ZNF609: variants seen among roughly 807,000 people sequenced by gnomAD.
ZNF609 encodes zinc finger protein 609.
ZNF609 carries 11 observed loss-of-function variants against 109.5 expected under a neutral mutation model. The ratio of observed to expected loss-of-function variants is 0.10; its 90% confidence interval spans 0.06 to 0.17. The LOEUF is 0.17. Among genes scored for constraint, ZNF609 ranks in the 10% least tolerant of loss-of-function variants. The pLI is 1.00. For missense variants in ZNF609, 1,559 were observed against 1,772.4 expected (o/e 0.88, Z 2.16); for synonymous variants, 646 against 662.0 (o/e 0.98, Z 0.37).
In ZNF609 at chr15:64,680,933, T is replaced by C. The variant is rs1896876683; in HGVS notation, c.4162+71T>C. ...TTGTTTATCTTCATCCCAGTAGTAA[T>C]GTCCACAGCTAGGACCCTCCTACCT... On this transcript the variant is annotated intron_variant, in intron 8 of 9. Coordinates refer to ENST00000326648, the MANE Select transcript of ZNF609 (RefSeq NM_015042.2). The C allele has an allele frequency of 1.9e-6, 3 of 1,557,018 alleles. No individual in the cohort carries two copies. In the South Asian group the frequency reaches 3.4e-5, roughly 18 times the overall value.
chr15:64,672,508 C>G (rs1896747698), intron 4 of ZNF609, among the ~76,000 whole-genome samples: 1 of 149,634 alleles, frequency 6.7e-6, no homozygotes, highest in Admixed American at 6.6e-5. Flanking sequence ...GCCTGTAACC[C>G]CAGCTACTCG....
At chr15:64,581,692 C>G (rs1291510947) in intron 2 of ZNF609, among the ~76,000 whole-genome samples, 5 of 152,068 alleles carry the variant, frequency 3.3e-5, no homozygotes, top group Admixed American at 2.0e-4. Flanking sequence ...TGATTGCAGG[C>G]TTTTGATTTT....
At chr15:64,540,891 G>A (rs1231507736) in intron 2 of ZNF609, among the ~76,000 whole-genome samples, 1 of 150,556 alleles carries the variant, frequency 6.6e-6, no homozygotes, top group Non-Finnish European at 1.5e-5. Flanking sequence ...AGCTGGGCAT[G>A]GTGGCATGCA....
At chr15:64,509,726 T>C (rs968663182) in intron 2 of ZNF609, among the ~76,000 whole-genome samples, 1 of 152,240 alleles carries the variant, frequency 6.6e-6, no homozygotes, top group Non-Finnish European at 1.5e-5. Flanking sequence ...TTGTTTATTC[T>C]CCATTAAGGT....
chr15:64,645,557 CT>C (rs1896323570), intron 3 of ZNF609, among the ~76,000 whole-genome samples: 1 of 151,978 alleles, frequency 6.6e-6, no homozygotes, highest in South Asian at 2.1e-4. Flanking sequence ...TTCATCAAAA[CT>C]AATAACTTTT....
At chr15:64,476,016 G>A (rs1292723667) in intron 1 of ZNF609, among the ~76,000 whole-genome samples, 2 of 152,186 alleles carry the variant, frequency 1.3e-5, no homozygotes, top group Non-Finnish European at 2.9e-5. Flanking sequence ...AGCATTTGTT[G>A]CCTTTACTGC....
chr15:64,667,812 C>A (rs950056581), intron 3 of ZNF609, among the ~76,000 whole-genome samples: 1 of 152,002 alleles, frequency 6.6e-6, no homozygotes, highest in South Asian at 2.1e-4. Flanking sequence ...AAAGAGTAGT[C>A]GTGAGAGGTG....
chr15:64,580,878 T>C (rs1018685149), intron 2 of ZNF609, among the ~76,000 whole-genome samples: 10 of 152,096 alleles, frequency 6.6e-5, no homozygotes, highest in African/African-American at 2.4e-4. Flanking sequence ...TTCCTTGTTT[T>C]TTAATGGATA....
At chr15:64,524,195 C>CT (rs555541538) in intron 2 of ZNF609, among the ~76,000 whole-genome samples, 520 of 152,260 alleles carry the variant, frequency 3.4e-3, no homozygotes, top group Middle Eastern at 6.8e-3. Context: ...AGCAGTCACC[C>CT]TAATTCTTCA....
At chr15:64,644,651 G>C (rs1896304778) in intron 3 of ZNF609, among the ~76,000 whole-genome samples, 1 of 152,162 alleles carries the variant, frequency 6.6e-6, no homozygotes, top group Non-Finnish European at 1.5e-5. Flanking sequence ...TTATAAAATG[G>C]TTTGGTGCCC....
chr15:64,479,108 G>A (rs514319), intron 1 of ZNF609, among the ~76,000 whole-genome samples: 133,371 of 151,936 alleles, frequency 0.88, 59,510 homozygotes, highest in East Asian at 0.96. Flanking sequence ...GATGAGTTTC[G>A]TAACACTATC....
intron 2 of ZNF609, among the ~76,000 whole-genome samples, chr15:64,557,738 C>G (rs1722523824): frequency 6.6e-6 from 1 of 152,122 alleles, no homozygotes; most frequent in Non-Finnish European, 1.5e-5. Context: ...GCTCTGTCGC[C>G]CAGGCTGGAG....
intron 2 of ZNF609, among the ~76,000 whole-genome samples, chr15:64,592,265 G>A (rs142260587): frequency 1.8e-4 from 27 of 152,172 alleles, no homozygotes; most frequent in Admixed American, 1.1e-3. Flanking sequence ...TAAATGAATC[G>A]TGGTTGGTTT....
chr15:64,529,294 C>T, intron 2 of ZNF609: 1 of 715,268 alleles, frequency 1.4e-6, no homozygotes, highest in Non-Finnish European at 2.6e-6. Flanking sequence ...GGGGCATCAA[C>T]AGAGAGGACA....
At chr15:64,480,114 T>C (rs1893231134) in intron 1 of ZNF609, among the ~76,000 whole-genome samples, 1 of 151,714 alleles carries the variant, frequency 6.6e-6, no homozygotes, top group South Asian at 2.1e-4. Context: ...GGCAGGTGCC[T>C]GTAATCCCAG....
rs1435855121 is a variant in ZNF609 at position 64,682,512 on chromosome 15, A to G, written c.*826A>G. ...TCCCCACTAAGTCCTGCTGCTTCTT[A>G]TTCCCCAACTCCTTGCCCTTTTCCC... On this transcript the variant is annotated 3_prime_UTR_variant, in exon 10 of 10. Coordinates refer to ENST00000326648, the MANE Select transcript of ZNF609 (RefSeq NM_015042.2). The G allele has an allele frequency of 6.5e-6, 1 of 152,812 alleles. No individual in the cohort carries two copies. The highest frequency in any genetic ancestry group is 1.5e-5 in the Non-Finnish European group (1 of 68,132). The allele number at this position is 152,812 out of a possible 1,614,324, so 9.5% of individuals were successfully genotyped here. A position where few individuals can be genotyped will look rare whatever the true frequency, so the allele number is the denominator to read the frequency against.
intron 8 of ZNF609, 85 bp from the exon 9 acceptor site, chr15:64,681,224 T>C (rs1896880730): frequency 2.4e-6 from 3 of 1,263,358 alleles, no homozygotes; most frequent in South Asian, 2.5e-5. Flanking sequence ...GATTTTTTTT[T>C]CTGTCAGCAC....
At chr15:64,529,258 C>G in intron 2 of ZNF609, 1 of 714,874 alleles carries the variant, frequency 1.4e-6, no homozygotes, top group South Asian at 1.4e-5. Flanking sequence ...TCATACTTCT[C>G]ATGGTTCACG....
intron 2 of ZNF609, among the ~76,000 whole-genome samples, chr15:64,612,147 A>G (rs1217660413): frequency 1.3e-5 from 2 of 149,886 alleles, no homozygotes; most frequent in East Asian, 2.0e-4. Context: ...AATAGAATAT[A>G]TAGCTTCTTT....
Sources: gnomAD v4.1 joint callset for allele counts (sites outside exome capture counted in the v4.1 genomes callset) on GRCh38, gnomAD v4.1.1 for gene constraint, MANE v1.5 for transcripts, NCBI Gene and HGNC (gene_info 2026-07-23, HGNC 2026-07-21) for gene names.